CEP128: variants seen among roughly 807,000 people sequenced by gnomAD.
CEP128 encodes the protein centrosomal protein 128kDa.
CEP128 carries 132 observed loss-of-function variants against 156.7 expected under a neutral mutation model. That is an observed-to-expected ratio of 0.84 (90% CI 0.73 to 0.97). The LOEUF (loss-of-function observed/expected upper bound fraction) is 0.97. Among genes scored for constraint, CEP128 ranks in the 50% least tolerant of loss-of-function variants. The probability of loss-of-function intolerance (pLI) is 0.00; values close to 1 mark genes in which losing one functional copy is unlikely to be tolerated. For synonymous variants in CEP128, 469 were observed against 448.9 expected, an observed-to-expected ratio of 1.04 and a Z score of -0.57; for missense variants, 1,252 against 1,281.9, an observed-to-expected ratio of 0.98 and a Z score of 0.36.
At chr14:80,593,566 G>A (rs12587853) in intron 19 of CEP128, among the ~76,000 whole-genome samples, 17,582 of 126,616 alleles carry the variant, frequency 0.14, 1,213 homozygotes, top group East Asian at 0.33. Flanking sequence ...AAAAAAAAAA[G>A]AAAACCCCAT....
At chr14:80,907,969 CTT>C (rs1197975122) in intron 4 of CEP128, among the ~76,000 whole-genome samples, 1 of 152,136 alleles carries the variant, frequency 6.6e-6, no homozygotes, top group African/African-American at 2.4e-5. Context: ...AATCAGCTCT[CTT>C]AACTTTTGCT....
chr14:80,799,821 C>T (rs572330080), intron 13 of CEP128, among the ~76,000 whole-genome samples: 2 of 152,206 alleles, frequency 1.3e-5, no homozygotes, highest in African/African-American at 4.8e-5. Context: ...ACCCTGTTTT[C>T]TGTTATTTAA....
intron 6 of CEP128, among the ~76,000 whole-genome samples, chr14:80,903,265 T>A (rs1595568975): frequency 6.6e-6 from 1 of 152,164 alleles, no homozygotes; most frequent in African/African-American, 2.4e-5. Flanking sequence ...GAAAGGATAG[T>A]GTCCTCAATA....
intron 23 of CEP128, among the ~76,000 whole-genome samples, chr14:80,519,489 T>C (rs774212955): frequency 4.6e-5 from 7 of 152,210 alleles, no homozygotes; most frequent in Non-Finnish European, 8.8e-5. Flanking sequence ...AACAAACACG[T>C]ATGTATTTCA....
At chr14:80,643,136 A>G (rs1338007452) in intron 19 of CEP128, among the ~76,000 whole-genome samples, 3 of 152,242 alleles carry the variant, frequency 2.0e-5, no homozygotes, top group Non-Finnish European at 4.4e-5. Context: ...AAGATCGAAG[A>G]GCATGAGTTC....
At chr14:80,569,940 A>T (rs1379781719) in intron 20 of CEP128, among the ~76,000 whole-genome samples, 3 of 152,332 alleles carry the variant, frequency 2.0e-5, no homozygotes, top group African/African-American at 7.2e-5. Context: ...CGAGAGAGGC[A>T]GATGCAGAGA....
chr14:80,769,100 GAACA>G, intron 16 of CEP128, among the ~76,000 whole-genome samples: 1 of 152,182 alleles, frequency 6.6e-6, no homozygotes, highest in East Asian at 1.9e-4. Flanking sequence ...ATGGACAAGG[GAACA>G]AACAACTAGA....
intron 19 of CEP128, among the ~76,000 whole-genome samples, chr14:80,594,849 A>G (rs1892244031): frequency 6.6e-6 from 1 of 152,212 alleles, no homozygotes; most frequent in South Asian, 2.1e-4. Flanking sequence ...ATGTGCAGAA[A>G]TAGGAACACT....
downstream of CEP128, chr14:80,490,345 G>T (rs577639795): frequency 3.3e-5 from 5 of 151,708 alleles, no homozygotes; most frequent in South Asian, 2.1e-4. Flanking sequence ...CACAGTGGTT[G>T]ACTGTGAGCC....
chr14:80,665,034 A>G (rs1480904784), intron 19 of CEP128, among the ~76,000 whole-genome samples: 1 of 152,226 alleles, frequency 6.6e-6, no homozygotes, highest in Non-Finnish European at 1.5e-5. Context: ...TAATTATTAA[A>G]CATTCTATGT....
At chr14:80,616,889 C>T (rs1305068732) in intron 19 of CEP128, among the ~76,000 whole-genome samples, 2 of 152,088 alleles carry the variant, frequency 1.3e-5, no homozygotes, top group African/African-American at 4.8e-5. Context: ...ATGCAGGGAA[C>T]AGAAATGATA....
chr14:80,885,887 G>C (rs1256548720), intron 8 of CEP128, among the ~76,000 whole-genome samples: 1 of 151,960 alleles, frequency 6.6e-6, no homozygotes, highest in African/African-American at 2.4e-5. Context: ...CTTGATAAAA[G>C]GTTATAGGAA....
chr14:80,839,484 A>G (rs1054692008), intron 10 of CEP128, among the ~76,000 whole-genome samples: 1 of 152,084 alleles, frequency 6.6e-6, no homozygotes, highest in Non-Finnish European at 1.5e-5. Flanking sequence ...ACAAGATAAA[A>G]ATGGACTGAA....
chr14:80,783,696 A>G (rs185165360), intron 15 of CEP128, among the ~76,000 whole-genome samples: 2 of 152,322 alleles, frequency 1.3e-5, no homozygotes, highest in African/African-American at 2.4e-5. Context: ...TAAAATGTGT[A>G]TCTTCCACAT....
intron 8 of CEP128, among the ~76,000 whole-genome samples, chr14:80,885,045 C>T (rs1888730848): frequency 6.6e-6 from 1 of 152,208 alleles, no homozygotes. Flanking sequence ...CACAGCAAGG[C>T]AAAGTACCTG....
intron 19 of CEP128, among the ~76,000 whole-genome samples, chr14:80,609,205 A>G (rs1195693858): frequency 1.3e-5 from 2 of 152,222 alleles, no homozygotes; most frequent in Non-Finnish European, 1.5e-5. Context: ...GAGATATTTT[A>G]AACTCAGTAA....
At position 80,895,716 on chromosome 14, in the gene CEP128, AC is replaced by A. The variant is rs1889314882; in HGVS notation, c.645+1del. The A allele has an allele frequency of 1.3e-6, 2 of 1,554,190 alleles. No individual in the cohort carries two copies. The highest frequency in any genetic ancestry group is 2.4e-5 in the South Asian group (2 of 81,796). On this transcript the variant is annotated splice_donor_variant, in intron 8 of 24. Coordinates refer to ENST00000555265, the MANE Select transcript of CEP128 (RefSeq NM_152446.5). LOFTEE classifies it high-confidence loss of function. ...AACTTTTTATTAAAAAAGAGATCTCACCACTTCTTGTTTCTGGGCTTCATTA... is the reference window on the plus strand; with the variant it reads ...AACTTTTTATTAAAAAAGAGATCTCACACTTCTTGTTTCTGGGCTTCATTA...
chr14:80,858,391 C>T (rs1264077646), intron 9 of CEP128, among the ~76,000 whole-genome samples: 2 of 125,554 alleles, frequency 1.6e-5, no homozygotes, highest in Non-Finnish European at 3.3e-5. Context: ...ATACAAAAAT[C>T]AATTCAAGAT....
intron 22 of CEP128, among the ~76,000 whole-genome samples, chr14:80,528,282 G>C (rs887141342): frequency 6.6e-6 from 1 of 152,120 alleles, no homozygotes; most frequent in Non-Finnish European, 1.5e-5. Flanking sequence ...GAATTATAGA[G>C]CTGAAACAAT....
Sources: gnomAD v4.1 joint callset for allele counts (sites outside exome capture counted in the v4.1 genomes callset) on GRCh38, gnomAD v4.1.1 for gene constraint, MANE v1.5 for transcripts, NCBI Gene and HGNC (gene_info 2026-07-23, HGNC 2026-07-21) for gene names.